The following DDRGK1 variants were observed in gnomAD, a reference collection of about 807,000 sequenced individuals.
DDRGK1 encodes DDRGK domain-containing protein 1.
Under a neutral mutation model 45.8 loss-of-function variants are expected in DDRGK1, and 38 were observed. The observed-to-expected ratio is 0.83, with a 90% CI of 0.64 to 1.09. The LOEUF (loss-of-function observed/expected upper bound fraction) is 1.09, where lower values mean the gene tolerates loss of function less well. DDRGK1 is among the 50% of genes least tolerant of loss of function. The pLI, the probability that DDRGK1 is intolerant of heterozygous loss-of-function variation, is 0.00. For synonymous variants in DDRGK1, 171 were observed against 168.7 expected (o/e 1.01, Z -0.11); for missense variants, 403 against 419.9 (o/e 0.96, Z 0.35).
intron 2 of DDRGK1, among the ~76,000 whole-genome samples, chr20:3,200,980 G>T (rs2067035849): frequency 6.6e-6 from 1 of 152,110 alleles, no homozygotes; most frequent in Admixed American, 6.6e-5. Context: ...TGTGGTGGCG[G>T]GCACCTGTAG....
In DDRGK1 at chr20:3,190,607, C is replaced by A. The variant is rs2066985049; in HGVS notation, c.*46G>T. 6.2e-7 allele frequency: 1 copy of A among 1,603,964 alleles called. No individual in the cohort carries two copies. The highest frequency in any genetic ancestry group is 8.5e-7 in the Non-Finnish European group (1 of 1,174,580). On this transcript the variant is annotated 3_prime_UTR_variant, in exon 9 of 9. Coordinates refer to ENST00000354488, the MANE Select transcript of DDRGK1 (RefSeq NM_023935.3). Reference sequence around the variant, plus strand: ...GGTGGGGAGGGATGAAGATGTATAGCCAGGTAGGCCACACCAACTCTGAGT... The same window carrying A: ...GGTGGGGAGGGATGAAGATGTATAGACAGGTAGGCCACACCAACTCTGAGT...
At position 3,200,396 on chromosome 20, in the gene DDRGK1, T is replaced by C; in HGVS notation, c.354A>G (p.Gly118=). 1 of 1,583,994 alleles carries C rather than the reference T, an allele frequency of 6.3e-7. No individual in the cohort carries two copies. Among genetic ancestry groups the C allele is most frequent in the East Asian group, 2.3e-5 (1 of 43,628 alleles). ...CCTCCAGCTTCCGCAGTTTCTTAGC[T>C]CCAATTTTCCCCGACAGGTGAGTTT... is the stretch of plus-strand genomic sequence containing the variant. The part of the protein sequence containing the change: ...PAETHLSGKI[G]AKKLRKLEEK... Residue 118 remains glycine (G), a synonymous_variant, in exon 3 of 9, where the codon GGA becomes GGG. Transcript: ENST00000354488.
intron 8 of DDRGK1, 127 bp from the exon 9 acceptor site, chr20:3,190,946 T>A (rs998744202): frequency 7.2e-7 from 1 of 1,384,706 alleles, no homozygotes; most frequent in Non-Finnish European, 9.8e-7. Flanking sequence ...TGGACTTTCC[T>A]GGCTGCATCC....
At chr20:3,193,770 T>C (rs2066998816) in intron 6 of DDRGK1, among the ~76,000 whole-genome samples, 1 of 152,184 alleles carries the variant, frequency 6.6e-6, no homozygotes, top group South Asian at 2.1e-4. Flanking sequence ...ACTGGGGACC[T>C]TTCTTCTGGT....
At chr20:3,202,984 TG>T (rs1424831018) in intron 2 of DDRGK1, among the ~76,000 whole-genome samples, 1 of 152,034 alleles carries the variant, frequency 6.6e-6, no homozygotes, top group Admixed American at 6.6e-5. Context: ...TGAATCAAAC[TG>T]AAGACCCTTG....
intron 6 of DDRGK1, 33 bp downstream of exon 6, chr20:3,194,797 C>G: frequency 6.2e-7 from 1 of 1,613,874 alleles, no homozygotes; most frequent in Non-Finnish European, 8.5e-7. Context: ...AGGCAGGGAG[C>G]TGACACTCAG....
At chr20:3,191,296 C>T (rs2066988447) in intron 7 of DDRGK1, 58 bp from the exon 8 acceptor site, 2 of 1,565,268 alleles carry the variant, frequency 1.3e-6, no homozygotes, top group East Asian at 4.5e-5. Context: ...AGAAAAAGCA[C>T]TGAAACCTCC....
rs374875243 is a variant in DDRGK1, at chr20:3,190,929, G to A, written c.779-110C>T. 3.5e-4 allele frequency: 513 copies of A among 1,451,626 alleles called. 3 individuals are homozygous for A. In the African/African-American group the frequency reaches 3.6e-3, roughly 10 times the overall value. The allele number at this position is 1,451,626 out of a possible 1,614,324, so 89.9% of individuals were successfully genotyped here. A position where few individuals can be genotyped will look rare whatever the true frequency, so the allele number is the denominator to read the frequency against. On this transcript the variant is annotated intron_variant, in intron 8 of 8. Transcript: ENST00000354488. ...TGGCTCAGGGCCCTTCCGGCCTCCT[G>A]CCTGCCTGGACTTTCCTGGCTGCAT...
intron 5 of DDRGK1, 92 bp from the exon 6 acceptor site, chr20:3,194,960 G>A (rs1412978231): frequency 1.3e-6 from 2 of 1,524,312 alleles, no homozygotes; most frequent in Non-Finnish European, 9.0e-7. Flanking sequence ...TCACTTGAGG[G>A]CCACCTGCCT....
At chr20:3,194,330 G>A (rs2067000916) in intron 6 of DDRGK1, among the ~76,000 whole-genome samples, 1 of 152,226 alleles carries the variant, frequency 6.6e-6, no homozygotes. Flanking sequence ...TATGCAACCT[G>A]GAGCAGCATC....
At chr20:3,194,730 A>G in intron 6 of DDRGK1, 100 bp downstream of exon 6, 1 of 1,501,662 alleles carries the variant, frequency 6.7e-7, no homozygotes, top group Non-Finnish European at 9.2e-7. Context: ...CCACTCCTGC[A>G]TGAGCCTGAA....
At chr20:3,196,871 C>CAT (rs61656151) in intron 4 of DDRGK1, among the ~76,000 whole-genome samples, 150,185 of 152,144 alleles carry the variant, frequency 0.99, 74,134 homozygotes, top group Middle Eastern at 1. Context: ...TAATAAATAA[C>CAT]GTTACTGGAT....
intron 4 of DDRGK1, among the ~76,000 whole-genome samples, chr20:3,198,700 C>CAAAAAAAA (rs151197280): frequency 2.4e-5 from 1 of 41,576 alleles, no homozygotes; most frequent in African/African-American, 1.0e-4. Context: ...AACTCCGTTT[C>CAAAAAAAA]AAAAAAAAAA....
In DDRGK1 at chr20:3,204,426, G is replaced by C. The variant is rs927187786; in HGVS notation, c.91+111C>G. Reference sequence around the variant, plus strand: ...ACGACTAGCGCACGGACGCGCATGCGTCCCGCCCGCCCAGGTGCGCACGCG... The same window carrying C: ...ACGACTAGCGCACGGACGCGCATGCCTCCCGCCCGCCCAGGTGCGCACGCG... On this transcript the variant is annotated intron_variant, in intron 1 of 8. Transcript: ENST00000354488. The C allele has an allele frequency of 1.0e-5, 12 of 1,148,076 alleles. No individual in the cohort carries two copies. In the African/African-American group the frequency reaches 1.4e-4, roughly 13 times the overall value. 71.1% of individuals were successfully genotyped at this position (1,148,076 alleles called of 1,614,324 possible). A position where few individuals can be genotyped will look rare whatever the true frequency, so the allele number is the denominator to read the frequency against.
rs767082047 is a variant in DDRGK1, at chr20:3,204,518, G to C, written c.91+19C>G. 21 of 1,548,102 alleles carry C rather than the reference G, an allele frequency of 1.4e-5. No individual in the cohort carries two copies. The highest frequency in any genetic ancestry group is 1.6e-5 in the Non-Finnish European group (19 of 1,153,164). Reference sequence around the variant, plus strand: ...AGAAAACCCGGTACCACCAACCCTGGTGCAGCGGCATCTCCTACCTGATGC... The same window carrying C: ...AGAAAACCCGGTACCACCAACCCTGCTGCAGCGGCATCTCCTACCTGATGC... On this transcript the variant is annotated intron_variant, in intron 1 of 8. Coordinates refer to ENST00000354488, the MANE Select transcript of DDRGK1 (RefSeq NM_023935.3).
Position 3,203,332 on chromosome 20 carries a change from C to T in DDRGK1, c.176G>A (p.Arg59Lys). 1.9e-6 allele frequency: 3 copies of T among 1,609,374 alleles called. No homozygotes were observed. The highest frequency in any genetic ancestry group is 2.5e-6 in the Non-Finnish European group (3 of 1,177,636). The change falls in exon 2 of 9, where the codon AGA (arginine) becomes AAA (lysine). Residue 59 changes from arginine (R) to lysine (K), a missense_variant. Transcript: ENST00000354488. Reference sequence around the variant, plus strand: ...CCGGCGCCGAGGCCTGCCTCCAGCTCTCGGCTCCTCAGGCTCCAGGGGCCC... The same window carrying T: ...CCGGCGCCGAGGCCTGCCTCCAGCTTTCGGCTCCTCAGGCTCCAGGGGCCC... ...QPGPLEPEEP[R>K]AGGRPRRRRD...
At position 3,193,230 on chromosome 20, in the gene DDRGK1, C is replaced by T. The variant is rs1410956995; in HGVS notation, c.673-1409G>A. Among the ~76,000 whole-genome samples the T allele has an allele frequency of 6.6e-5, 10 of 152,162 alleles. 1 individual carries two copies. Among genetic ancestry groups the T allele is most frequent in the Admixed American group, 6.5e-4 (10 of 15,274 alleles). On this transcript the variant is annotated intron_variant, in intron 6 of 8. Transcript: ENST00000354488. ...AACGATGCTGGGTGCAGGCATGTTCCTCCAGTTCTGAAATCTTAAGGCAAA... is the reference window on the plus strand; with the variant it reads ...AACGATGCTGGGTGCAGGCATGTTCTTCCAGTTCTGAAATCTTAAGGCAAA...
chr20:3,190,884 C>T, intron 8 of DDRGK1, 65 bp from the exon 9 acceptor site: 10 of 1,529,688 alleles, frequency 6.5e-6, no homozygotes, highest in Non-Finnish European at 7.1e-6. Flanking sequence ...CCTGAGAATG[C>T]CCACCTACTC....
At position 3,191,813 on chromosome 20, in the gene DDRGK1, C is replaced by A; in HGVS notation, c.681G>T (p.Lys227Asn). 1 of 1,608,080 alleles carries A rather than the reference C, an allele frequency of 6.2e-7. No individual in the cohort carries two copies. The highest frequency in any genetic ancestry group is 8.5e-7 in the Non-Finnish European group (1 of 1,177,322). ...AAGCCAGGTCTTCCAAGAGCACAACCTTGGACTGCTACAAAAAGAAGGAGG... is the reference window on the plus strand; with the variant it reads ...AAGCCAGGTCTTCCAAGAGCACAACATTGGACTGCTACAAAAAGAAGGAGG... ...TEFINYIKQS[K>N]VVLLEDLASQ... The change falls in exon 7 of 9, where the codon AAG (lysine) becomes AAT (asparagine). Residue 227 changes from lysine (K) to asparagine (N), a missense_variant. Physicochemically the swap from Lys to Asn is moderately conservative, Grantham distance 94. Transcript: ENST00000354488.
Sources: gnomAD v4.1 joint callset for allele counts (sites outside exome capture counted in the v4.1 genomes callset) on GRCh38, gnomAD v4.1.1 for gene constraint, MANE v1.5 for transcripts, NCBI Gene and HGNC (gene_info 2026-07-23, HGNC 2026-07-21) for gene names.